CRACD: variants seen among roughly 807,000 people sequenced by gnomAD.
CRACD encodes the protein capping protein-inhibiting regulator of actin dynamics.
In CRACD, 56 loss-of-function variants were observed where a neutral mutation model predicts 106.8. That is an observed-to-expected ratio of 0.52 (90% confidence interval 0.42 to 0.66). The LOEUF (loss-of-function observed/expected upper bound fraction) is 0.66. CRACD is among the 30% of genes least tolerant of loss of function. The probability of loss-of-function intolerance (pLI) is 0.00; values close to 1 mark genes in which losing one functional copy is unlikely to be tolerated. For synonymous variants in CRACD, 754 were observed against 670.8 expected (o/e 1.12, Z -1.92); for missense variants, 1,730 against 1,623.2 (o/e 1.07, Z -1.13).
chr4:56,147,199 A>G (rs1735417727), intron 1 of CRACD, among the ~76,000 whole-genome samples: 1 of 152,230 alleles, frequency 6.6e-6, no homozygotes, highest in African/African-American at 2.4e-5. Flanking sequence ...AAGCAAGCAC[A>G]TAATTAGATA....
intron 2 of CRACD, among the ~76,000 whole-genome samples, chr4:56,191,717 T>A (rs2109457440): frequency 6.6e-6 from 1 of 152,334 alleles, no homozygotes; most frequent in South Asian, 2.1e-4. Flanking sequence ...CTGAGACCTG[T>A]GTGGAACGCC....
intron 3 of CRACD, among the ~76,000 whole-genome samples, chr4:56,285,891 A>G (rs1743312035): frequency 6.6e-6 from 1 of 152,132 alleles, no homozygotes; most frequent in Non-Finnish European, 1.5e-5. Flanking sequence ...GGTAAATGGT[A>G]GAACTAGGTT....
At chr4:56,187,541 G>C (rs1202189245) in intron 2 of CRACD, among the ~76,000 whole-genome samples, 1 of 151,940 alleles carries the variant, frequency 6.6e-6, no homozygotes, top group Non-Finnish European at 1.5e-5. Flanking sequence ...TCCAGCAAAC[G>C]ATCATCTTAG....
At chr4:56,230,801 A>G (rs1739575643) in intron 2 of CRACD, among the ~76,000 whole-genome samples, 1 of 152,208 alleles carries the variant, frequency 6.6e-6, no homozygotes, top group African/African-American at 2.4e-5. Context: ...ATTTCTTTCA[A>G]TTCTCATTTT....
rs1406761929 is a variant in CRACD at position 56,329,490 on chromosome 4, T to A, written c.*1686T>A. On this transcript the variant is annotated 3_prime_UTR_variant, in exon 11 of 11. Coordinates refer to ENST00000682029, the MANE Select transcript of CRACD (RefSeq NM_001393381.1). ...TAGAAACAATAGCTCAGCCTCACTG[T>A]AGCAGCTGGCATGTGTGGTCAAGTG... Among the ~76,000 whole-genome samples, 1 of 152,218 alleles carries A rather than the reference T, an allele frequency of 6.6e-6. No homozygotes were observed. Among genetic ancestry groups the A allele is most frequent in the African/African-American group, 2.4e-5 (1 of 41,458 alleles).
intron 3 of CRACD, among the ~76,000 whole-genome samples, chr4:56,296,906 C>CTTTT (rs5858371): frequency 3.5e-5 from 5 of 141,178 alleles, no homozygotes; most frequent in African/African-American, 1.1e-4. Flanking sequence ...TTGTGCATTT[C>CTTTT]TTTTTTTTTG....
At chr4:56,117,354 A>G (rs994025677) in intron 1 of CRACD, among the ~76,000 whole-genome samples, 6 of 152,068 alleles carry the variant, frequency 3.9e-5, no homozygotes, top group South Asian at 4.2e-4. Flanking sequence ...CTTTTCCATA[A>G]TGAAACTTGA....
chr4:56,106,982 T>C (rs1291707035), intron 1 of CRACD, among the ~76,000 whole-genome samples: 1 of 152,154 alleles, frequency 6.6e-6, no homozygotes, highest in African/African-American at 2.4e-5. Context: ...TATTTATTTA[T>C]TTTTAAGAGA....
intron 2 of CRACD, among the ~76,000 whole-genome samples, chr4:56,236,395 T>G (rs1739970657): frequency 6.6e-6 from 1 of 152,174 alleles, no homozygotes; most frequent in Non-Finnish European, 1.5e-5. Context: ...ATCTTTTGTT[T>G]AAGCCTCCCA....
chr4:56,296,547 C>T (rs1744049410), intron 3 of CRACD, among the ~76,000 whole-genome samples: 2 of 152,130 alleles, frequency 1.3e-5, no homozygotes, highest in South Asian at 4.1e-4. Flanking sequence ...TACAGCTGCC[C>T]CAGGACCTTG....
chr4:56,174,834 T>C (rs1295519252), intron 1 of CRACD, among the ~76,000 whole-genome samples: 7 of 152,180 alleles, frequency 4.6e-5, no homozygotes, highest in Non-Finnish European at 8.8e-5. Context: ...TTTAATAGAC[T>C]CACAGTTTCA....
intron 3 of CRACD, among the ~76,000 whole-genome samples, chr4:56,296,375 T>C (rs1406216121): frequency 1.3e-5 from 2 of 152,154 alleles, no homozygotes; most frequent in African/African-American, 4.8e-5. Context: ...ATAATAATTA[T>C]TATTATTGCC....
intron 1 of CRACD, among the ~76,000 whole-genome samples, chr4:56,105,761 C>T (rs1385112132): frequency 6.6e-6 from 1 of 152,130 alleles, no homozygotes; most frequent in Admixed American, 6.6e-5. Flanking sequence ...ATTGAGTTCA[C>T]AGATTAGCTG....
At chr4:56,055,857 TCA>T (rs1732040891) in intron 1 of CRACD, among the ~76,000 whole-genome samples, 2 of 152,192 alleles carry the variant, frequency 1.3e-5, no homozygotes, top group South Asian at 4.1e-4. Context: ...TGAAGGCAGA[TCA>T]TTGATCACAA....
chr4:56,314,689 C>T lies in CRACD; in HGVS notation c.1187C>T (p.Ala396Val), dbSNP rs1560535289. The T allele has an allele frequency of 1.9e-6, 3 of 1,551,560 alleles. No individual in the cohort carries two copies. Among genetic ancestry groups the T allele is most frequent in the Non-Finnish European group, 2.6e-6 (3 of 1,148,008 alleles). The change falls in exon 8 of 11, where the codon GCG becomes GTG. Residue 396 changes from alanine to valine, a missense_variant. This residue lies in a region of CRACD where 1,620 missense variants were observed against 1,481.6 expected (regional missense o/e 1.09). Transcript: ENST00000682029. This position sits in a 1 kb window ranked among gnomAD's most constrained non-coding sequence, Gnocchi z 4.4. ...GAGACTGGGGAGGGCCGGCGGGGCG[C>T]GGAGGAGGAGGATCTGGGGGAAGAG... is the stretch of plus-strand genomic sequence containing the variant. ...LEETGEGRRG[A>V]EEEDLGEEEE...
chr4:56,122,866 A>G (rs1484313303), intron 1 of CRACD, among the ~76,000 whole-genome samples: 1 of 152,226 alleles, frequency 6.6e-6, no homozygotes, highest in African/African-American at 2.4e-5. Context: ...GCATTTCCAA[A>G]TAAATTGGTT....
intron 1 of CRACD, among the ~76,000 whole-genome samples, chr4:56,117,889 C>G (rs1013608905): frequency 4.6e-5 from 7 of 151,968 alleles, no homozygotes; most frequent in Non-Finnish European, 8.8e-5. Flanking sequence ...TTCCAAGTTA[C>G]CTGGGATTAC....
intron 1 of CRACD, among the ~76,000 whole-genome samples, chr4:56,103,548 C>T (rs1733848355): frequency 6.6e-6 from 1 of 152,136 alleles, no homozygotes; most frequent in Non-Finnish European, 1.5e-5. Flanking sequence ...TTCGTTCCCT[C>T]CCTCAAGTGA....
intron 8 of CRACD, among the ~76,000 whole-genome samples, chr4:56,317,179 A>C (rs1022188005): frequency 6.6e-6 from 1 of 152,202 alleles, no homozygotes; most frequent in Non-Finnish European, 1.5e-5. Flanking sequence ...TTTGATGGTC[A>C]CCAGGTGGTC....
Sources: allele counts gnomAD v4.1 joint callset (sites outside exome capture counted in the v4.1 genomes callset), GRCh38; gene constraint gnomAD v4.1.1; regional missense constraint gnomAD v4.1.1; non-coding constraint Gnocchi (gnomAD v3.1); transcripts MANE v1.5; gene names NCBI Gene and HGNC (gene_info 2026-07-23, HGNC 2026-07-21).